Variants in UNC13C observed in about 807,000 individuals in gnomAD.
UNC13C encodes unc-13 homolog C.
A neutral mutation model predicts 245.4 loss-of-function variants in UNC13C; 174 were observed. That is an observed-to-expected ratio of 0.71 (90% confidence interval 0.63 to 0.80). The LOEUF is 0.80. UNC13C is among the 30% of genes least tolerant of loss of function. The pLI, the probability that UNC13C is intolerant of heterozygous loss-of-function variation, is 0.00. For synonymous variants in UNC13C, 992 were observed against 895.1 expected, an observed-to-expected ratio of 1.11 and a Z score of -1.93; for missense variants, 2,829 against 2,602.9, an observed-to-expected ratio of 1.09 and a Z score of -1.89.
intron 30 of UNC13C, among the ~76,000 whole-genome samples, chr15:54,604,954 A>C (rs924057401): frequency 3.3e-5 from 5 of 151,616 alleles, no homozygotes; most frequent in African/African-American, 1.2e-4. Flanking sequence ...CAACTTAAAA[A>C]ATAAAGTACA....
chr15:54,147,184 C>T (rs1258330420), intron 4 of UNC13C, among the ~76,000 whole-genome samples: 1 of 151,766 alleles, frequency 6.6e-6, no homozygotes, highest in Non-Finnish European at 1.5e-5. Context: ...GATACATGCC[C>T]ATGGCAGCTA....
In UNC13C at chr15:54,379,895, A is replaced by G. The variant is rs182882255; in HGVS notation, c.4714-13153A>G. On this transcript the variant is annotated intron_variant, in intron 17 of 32. Transcript: ENST00000260323. ...TAAATTGAATGTATTTATCATGCAC[A>G]ACATGATGTTTTGAAGGATATATAC... 1.0e-2 allele frequency among the ~76,000 whole-genome samples: 1,516 copies of G among 152,312 alleles called. 10 individuals are homozygous for G. The highest frequency in any genetic ancestry group is 0.016 in the Non-Finnish European group (1,065 of 68,014).
At chr15:54,353,134 G>C (rs2039020954) in intron 17 of UNC13C, among the ~76,000 whole-genome samples, 1 of 152,024 alleles carries the variant, frequency 6.6e-6, no homozygotes, top group Non-Finnish European at 1.5e-5. Flanking sequence ...CAAACACTAA[G>C]AATAAGAGAA....
chr15:54,079,925 A>G (rs952332249), intron 2 of UNC13C, among the ~76,000 whole-genome samples: 12 of 151,314 alleles, frequency 7.9e-5, no homozygotes, highest in African/African-American at 2.9e-4. Context: ...TTCCCCATTC[A>G]GTATAATGTT....
chr15:54,617,090 TTGA>T (rs1900488430), intron 30 of UNC13C, among the ~76,000 whole-genome samples: 1 of 152,116 alleles, frequency 6.6e-6, no homozygotes, highest in African/African-American at 2.4e-5. Context: ...GTAAGTACAC[TTGA>T]TGATGTTCGC....
intron 4 of UNC13C, 73 bp from the exon 5 acceptor site, chr15:54,234,957 A>C (rs1289997807): frequency 7.5e-6 from 10 of 1,333,068 alleles, no homozygotes; most frequent in Non-Finnish European, 1.1e-5. Flanking sequence ...ACTTTATACC[A>C]TGAACAGTGG....
chr15:54,350,626 A>G (rs2038961546), intron 17 of UNC13C, among the ~76,000 whole-genome samples: 1 of 152,210 alleles, frequency 6.6e-6, no homozygotes, highest in Non-Finnish European at 1.5e-5. Context: ...TAACTTTTCA[A>G]TTGATATGAA....
At chr15:54,532,792 T>C in intron 25 of UNC13C, 125 bp from the exon 26 acceptor site, 1 of 635,770 alleles carries the variant, frequency 1.6e-6, no homozygotes, top group Non-Finnish European at 2.6e-6. Context: ...AAACATTGAA[T>C]TCGAAAACTC....
chr15:54,285,594 C>T (rs1032117739), intron 10 of UNC13C, among the ~76,000 whole-genome samples: 1 of 152,176 alleles, frequency 6.6e-6, no homozygotes, highest in Non-Finnish European at 1.5e-5. Flanking sequence ...GCTGCTTTGC[C>T]TCGAGATGGC....
intron 20 of UNC13C, 42 bp from the exon 21 acceptor site, chr15:54,500,037 A>G: frequency 7.1e-7 from 1 of 1,409,936 alleles, no homozygotes; most frequent in African/African-American, 1.5e-5. Flanking sequence ...TTTTATGCAA[A>G]TGATGTCCTT....
At chr15:54,199,457 T>A (rs2034454338) in intron 4 of UNC13C, among the ~76,000 whole-genome samples, 1 of 152,104 alleles carries the variant, frequency 6.6e-6, no homozygotes, top group Admixed American at 6.6e-5. Context: ...TCAGGTAACC[T>A]ATAAAGGAAA....
chr15:54,241,817 C>A (rs890545948), intron 7 of UNC13C, among the ~76,000 whole-genome samples: 1 of 152,172 alleles, frequency 6.6e-6, no homozygotes, highest in African/African-American at 2.4e-5. Flanking sequence ...CTAATGCCTC[C>A]CTGCCCTCTT....
intron 2 of UNC13C, among the ~76,000 whole-genome samples, chr15:54,137,654 C>G (rs2031806214): frequency 1.3e-5 from 2 of 151,876 alleles, no homozygotes; most frequent in Admixed American, 1.3e-4. Flanking sequence ...TAGTTTTGTG[C>G]TACCAGTTGT....
chr15:54,190,319 T>A (rs533006623), intron 4 of UNC13C, among the ~76,000 whole-genome samples: 6 of 152,234 alleles, frequency 3.9e-5, no homozygotes, highest in African/African-American at 1.4e-4. Context: ...CTTTGGACAA[T>A]AAAAATTCAA....
At chr15:54,408,393 T>G (rs2140940986) in intron 18 of UNC13C, among the ~76,000 whole-genome samples, 1 of 152,120 alleles carries the variant, frequency 6.6e-6, no homozygotes, top group Admixed American at 6.5e-5. Context: ...ATATTGTTTT[T>G]TCTTTATTGG....
At chr15:54,595,501 C>A (rs905715681) in intron 30 of UNC13C, among the ~76,000 whole-genome samples, 1 of 152,176 alleles carries the variant, frequency 6.6e-6, no homozygotes, top group Non-Finnish European at 1.5e-5. Context: ...TTTGTTCTTG[C>A]AGTTCATCTG....
intron 2 of UNC13C, chr15:54,049,398 G>A (rs1489113367): frequency 1.8e-5 from 9 of 510,968 alleles, no homozygotes; most frequent in Non-Finnish European, 8.0e-6. Flanking sequence ...TTCCTTCTTT[G>A]AGATCAAATA....
chr15:54,416,609 G>A (rs753213651), intron 19 of UNC13C, among the ~76,000 whole-genome samples: 1 of 152,040 alleles, frequency 6.6e-6, no homozygotes, highest in Non-Finnish European at 1.5e-5. Flanking sequence ...GGGACCCCAA[G>A]ATTCTCTTAC....
chr15:54,311,348 A>T (rs77138845), intron 13 of UNC13C, among the ~76,000 whole-genome samples: 18 of 151,824 alleles, frequency 1.2e-4, no homozygotes, highest in Non-Finnish European at 2.7e-4. Flanking sequence ...TAATTTAACT[A>T]TAACTAAATG....
Sources: allele counts gnomAD v4.1 joint callset (sites outside exome capture counted in the v4.1 genomes callset), GRCh38; gene constraint gnomAD v4.1.1; transcripts MANE v1.5; gene names NCBI Gene and HGNC (gene_info 2026-07-23, HGNC 2026-07-21).